The following HUNK variants were observed in gnomAD, a reference collection of about 807,000 sequenced individuals.
HUNK encodes the protein hormonally up-regulated neu tumor-associated kinase.
In HUNK, 21 loss-of-function variants were observed where a neutral mutation model predicts 61.0. That is an observed-to-expected ratio of 0.34 (90% CI 0.24 to 0.50). HUNK has a LOEUF of 0.50. HUNK is among the 20% of genes least tolerant of loss of function. The pLI, the probability that HUNK is intolerant of heterozygous loss-of-function variation, is 0.98. For synonymous variants in HUNK, 371 were observed against 386.1 expected, an observed-to-expected ratio of 0.96 and a Z score of 0.46; for missense variants, 772 against 945.7, an observed-to-expected ratio of 0.82 and a Z score of 2.41.
intron 1 of HUNK, among the ~76,000 whole-genome samples, chr21:31,913,835 G>C (rs1476418679): frequency 1.3e-5 from 2 of 151,926 alleles, no homozygotes; most frequent in Non-Finnish European, 2.9e-5. Flanking sequence ...GGGTGTGAGA[G>C]GTCAGCAGGG....
At chr21:31,983,228 G>A (rs1167377046) in intron 7 of HUNK, among the ~76,000 whole-genome samples, 5 of 152,190 alleles carry the variant, frequency 3.3e-5, no homozygotes, top group Non-Finnish European at 2.9e-5. Flanking sequence ...TAGTCTTACT[G>A]CACAGATAAA....
intron 5 of HUNK, among the ~76,000 whole-genome samples, chr21:31,964,816 C>A (rs2052952146): frequency 6.6e-6 from 1 of 152,130 alleles, no homozygotes; most frequent in Admixed American, 6.5e-5. Context: ...ATGCAGAGCG[C>A]TCGGTTATGA....
chr21:31,913,919 G>A (rs1177002311), intron 1 of HUNK, among the ~76,000 whole-genome samples: 3 of 152,112 alleles, frequency 2.0e-5, no homozygotes, highest in East Asian at 1.9e-4. Flanking sequence ...TCCGGGGCAG[G>A]GGCTGTCTGG....
chr21:31,983,567 C>G lies in HUNK; in HGVS notation c.1215C>G (p.Leu405=). The change falls in exon 8 of 11, where the codon CTC becomes CTG. Residue 405 remains leucine, a synonymous_variant. Transcript: ENST00000270112. ...IQDSLCYKTR[L]YQIEKYRAPK... The stretch of plus-strand genomic sequence containing the variant: ...ACAGCCTCTGCTACAAGACCCGGCT[C>G]TACCAGATAGAAAAGTACAGGGCCC... 1 of 1,613,900 alleles carries G rather than the reference C, an allele frequency of 6.2e-7. No homozygotes were observed. Among genetic ancestry groups the G allele is most frequent in the Non-Finnish European group, 8.5e-7 (1 of 1,179,970 alleles).
chr21:31,990,134 T>G lies in HUNK; in HGVS notation c.1263T>G (p.Ser421=). 1 of 1,613,970 alleles carries G rather than the reference T, an allele frequency of 6.2e-7. No individual in the cohort carries two copies. Among genetic ancestry groups the G allele is most frequent in the Non-Finnish European group, 8.5e-7 (1 of 1,179,854 alleles). ...YRAPKESYEA[S]LDTWTRDLEF... ...AAGGATGTTCCTTTTCACAGGCCTC[T>G]CTGGACACCTGGACACGAGATCTTG... Residue 421 remains serine (S), a synonymous_variant, in exon 9 of 11, where the codon TCT becomes TCG. Coordinates refer to ENST00000270112, the MANE Select transcript of HUNK (RefSeq NM_014586.2).
chr21:31,946,867 G>A (rs1215026405), intron 4 of HUNK, among the ~76,000 whole-genome samples: 2 of 152,174 alleles, frequency 1.3e-5, no homozygotes, highest in Non-Finnish European at 2.9e-5. Context: ...CACCCGCCTC[G>A]GCCTCCCAAA....
intron 4 of HUNK, among the ~76,000 whole-genome samples, chr21:31,956,045 G>A (rs2052887536): frequency 6.6e-6 from 1 of 152,198 alleles, no homozygotes; most frequent in African/African-American, 2.4e-5. Flanking sequence ...GTATATTCAG[G>A]GCAGAGGACT....
At chr21:31,888,601 A>G (rs1269774811) in intron 1 of HUNK, among the ~76,000 whole-genome samples, 1 of 152,072 alleles carries the variant, frequency 6.6e-6, no homozygotes, top group African/African-American at 2.4e-5. Context: ...CCAGGCGTGC[A>G]TGGTGGCGCA....
At chr21:31,899,648 G>A (rs558051924) in intron 1 of HUNK, among the ~76,000 whole-genome samples, 3 of 152,256 alleles carry the variant, frequency 2.0e-5, no homozygotes, top group South Asian at 2.1e-4. Context: ...AACCAAACTC[G>A]TTGCCTTTGC....
At chr21:31,875,755 C>G (rs1198498905) in intron 1 of HUNK, among the ~76,000 whole-genome samples, 1 of 152,226 alleles carries the variant, frequency 6.6e-6, no homozygotes, top group African/African-American at 2.4e-5. Context: ...TATTTCCTCT[C>G]TAAACATAAC....
intron 9 of HUNK, 147 bp downstream of exon 9, chr21:31,990,323 A>C: frequency 1.4e-6 from 1 of 728,318 alleles, no homozygotes; most frequent in South Asian, 1.7e-5. Context: ...GAAGTCTGAA[A>C]TCTGCAGGGC....
Position 31,998,941 on chromosome 21 carries a change from G to A in HUNK, c.1902G>A (p.Glu634=), listed in dbSNP as rs2053226536. Residue 634 remains glutamate, a synonymous_variant, in exon 11 of 11, where the codon GAG becomes GAA. Coordinates refer to ENST00000270112, the MANE Select transcript of HUNK (RefSeq NM_014586.2). ...ATAAGAACAGCCCCCCAAAAGAGGA[G>A]GGCCTGTGTTGCCCACCTCCGGTTC... ...HEDKNSPPKE[E]GLCCPPPVPS... 6.2e-7 allele frequency: 1 copy of A among 1,614,106 alleles called. No individual in the cohort carries two copies. The highest frequency in any genetic ancestry group is 8.5e-7 in the Non-Finnish European group (1 of 1,180,048).
intron 5 of HUNK, among the ~76,000 whole-genome samples, chr21:31,967,992 T>C (rs2052979106): frequency 6.6e-6 from 1 of 152,066 alleles, no homozygotes; most frequent in African/African-American, 2.4e-5. Context: ...ATTCTTTGGC[T>C]ATGTGGTGTG....
chr21:31,944,508 G>A (rs910513320), intron 3 of HUNK, among the ~76,000 whole-genome samples: 1 of 151,972 alleles, frequency 6.6e-6, no homozygotes, highest in African/African-American at 2.4e-5. Flanking sequence ...GGAATCCAGA[G>A]ACAGTCCCAC....
intron 1 of HUNK, among the ~76,000 whole-genome samples, chr21:31,874,141 G>GC: frequency 6.6e-6 from 1 of 152,072 alleles, no homozygotes; most frequent in Non-Finnish European, 1.5e-5. Context: ...CTGCCCGGGG[G>GC]TTGGGGGCTT....
At chr21:31,975,918 C>T (rs2053045634) in intron 7 of HUNK, among the ~76,000 whole-genome samples, 1 of 152,168 alleles carries the variant, frequency 6.6e-6, no homozygotes, top group Admixed American at 6.5e-5. Flanking sequence ...GAAGATGCTC[C>T]ACGGGAGGTT....
intron 1 of HUNK, among the ~76,000 whole-genome samples, chr21:31,908,173 T>C (rs2052520655): frequency 6.6e-6 from 1 of 151,936 alleles, no homozygotes; most frequent in African/African-American, 2.4e-5. Context: ...CAAAAATTGA[T>C]AGAATGTAAG....
At chr21:31,910,395 C>T (rs896063541) in intron 1 of HUNK, among the ~76,000 whole-genome samples, 30 of 152,204 alleles carry the variant, frequency 2.0e-4, no homozygotes, top group African/African-American at 6.5e-4. Flanking sequence ...GGGCATCACC[C>T]TCATGTCCTC....
intron 6 of HUNK, among the ~76,000 whole-genome samples, chr21:31,971,277 G>T (rs1280891323): frequency 6.6e-6 from 1 of 151,874 alleles, no homozygotes; most frequent in Non-Finnish European, 1.5e-5. Flanking sequence ...TCACCATGTT[G>T]CCCAGGCTGG....
Sources: gnomAD v4.1 joint callset for allele counts (sites outside exome capture counted in the v4.1 genomes callset) on GRCh38, gnomAD v4.1.1 for gene constraint, MANE v1.5 for transcripts, NCBI Gene and HGNC (gene_info 2026-07-23, HGNC 2026-07-21) for gene names.